The following TTC7A variants were observed in gnomAD, a reference collection of about 807,000 sequenced individuals.
TTC7A encodes the protein tetratricopeptide repeat protein 7A.
TTC7A carries 110 observed loss-of-function variants against 103.7 expected under a neutral mutation model. The observed-to-expected ratio is 1.06, with a 90% CI of 0.91 to 1.24. The LOEUF (loss-of-function observed/expected upper bound fraction) is 1.24, where lower values mean the gene tolerates loss of function less well. Ranked by LOEUF, TTC7A falls within the 50% of genes most tolerant of loss-of-function variation. The pLI, the probability that TTC7A is intolerant of heterozygous loss-of-function variation, is 0.00. For synonymous variants in TTC7A, 521 were observed against 467.9 expected (o/e 1.11, Z -1.47); for missense variants, 1,340 against 1,116.3 (o/e 1.20, Z -2.86).
rs543336109 is a variant in TTC7A at position 47,018,312 on chromosome 2, G to A, written c.1393-3550G>A. On this transcript the variant is annotated intron_variant, in intron 11 of 19. Transcript: ENST00000319190. ...AAAAAAAAAAAGCTGGCCAGGCACAGTGGCTCACACCTGTAATCCCAACGC... is the reference window on the plus strand; with the variant it reads ...AAAAAAAAAAAGCTGGCCAGGCACAATGGCTCACACCTGTAATCCCAACGC... 2.0e-5 allele frequency among the ~76,000 whole-genome samples: 3 copies of A among 149,990 alleles called. No individual in the cohort carries two copies. In the South Asian group the frequency reaches 6.3e-4, roughly 32 times the overall value.
At chr2:46,979,685 A>C (rs945835051) in intron 5 of TTC7A, among the ~76,000 whole-genome samples, 2 of 152,100 alleles carry the variant, frequency 1.3e-5, no homozygotes, top group South Asian at 4.1e-4. Flanking sequence ...AGGAGTGCGT[A>C]TTGGCAGCAA....
intron 5 of TTC7A, among the ~76,000 whole-genome samples, chr2:46,981,186 T>C (rs1325570350): frequency 6.6e-6 from 1 of 152,214 alleles, no homozygotes; most frequent in African/African-American, 2.4e-5. Context: ...TTTAAACATT[T>C]TGATACATCT....
At chr2:46,921,489 C>T (rs1421520757) in intron 2 of TTC7A, among the ~76,000 whole-genome samples, 2 of 152,218 alleles carry the variant, frequency 1.3e-5, no homozygotes, top group Non-Finnish European at 2.9e-5. Flanking sequence ...TCATTCTGTT[C>T]TCTGAAGTTC....
intron 2 of TTC7A, among the ~76,000 whole-genome samples, chr2:46,953,455 A>C (rs1373878793): frequency 6.6e-6 from 1 of 152,108 alleles, no homozygotes. Context: ...ATGCCCGGCC[A>C]TCATTTGTAG....
intron 1 of TTC7A, among the ~76,000 whole-genome samples, chr2:46,948,933 C>T (rs930277422): frequency 1.4e-4 from 21 of 152,168 alleles, no homozygotes; most frequent in African/African-American, 5.1e-4. Context: ...TGGATTGGCA[C>T]TTAACTCTCG....
chr2:47,047,232 G>T, intron 16 of TTC7A: 2 of 1,348,520 alleles, frequency 1.5e-6, no homozygotes, highest in South Asian at 1.3e-5. Flanking sequence ...GGCCTCAGGG[G>T]ACCCCAGTCT....
rs537611844 is a variant in TTC7A, at chr2:47,007,636, G to A, written c.1287+912G>A. On this transcript the variant is annotated intron_variant, in intron 10 of 19. Coordinates refer to ENST00000319190, the MANE Select transcript of TTC7A (RefSeq NM_020458.4). This position sits in a 1 kb window ranked among gnomAD's most constrained non-coding sequence, Gnocchi z 4.9. Reference sequence around the variant, plus strand: ...AGTGCCTCCTCCACGCATCAAGGGCGTGCCAGCCAGCTCGGGGCCTCGGCA... The same window carrying A: ...AGTGCCTCCTCCACGCATCAAGGGCATGCCAGCCAGCTCGGGGCCTCGGCA... Among the ~76,000 whole-genome samples, 23 of 152,166 alleles carry A rather than the reference G, an allele frequency of 1.5e-4. No individual in the cohort carries two copies. Among genetic ancestry groups the A allele is most frequent in the African/African-American group, 4.8e-4 (20 of 41,450 alleles).
Position 46,950,416 on chromosome 2 carries a change from G to T in TTC7A, c.238G>T (p.Glu80Ter). ...GGCCCTCCTGGAGCAGTGTTTGAAGGAGAACCATGCCAAAATAAAAGACTC... is the reference window on the plus strand; with the variant it reads ...GGCCCTCCTGGAGCAGTGTTTGAAGTAGAACCATGCCAAAATAAAAGACTC... ...AEALLEQCLK[E>*]NHAKIKDSMP... Residue 80 changes from glutamate to a stop codon, truncating the protein, a stop_gained, in exon 2 of 20, where the codon GAG becomes TAG. Transcript: ENST00000319190. LOFTEE classifies it high-confidence loss of function. 1 of 1,614,148 alleles carries T rather than the reference G, an allele frequency of 6.2e-7. No homozygotes were observed. The highest frequency in any genetic ancestry group is 8.5e-7 in the Non-Finnish European group (1 of 1,180,036).
chr2:47,060,844 C>T lies in TTC7A; in HGVS notation c.2228C>T (p.Thr743Ile). 6.2e-7 allele frequency: 1 copy of T among 1,614,100 alleles called. No individual in the cohort carries two copies. Among genetic ancestry groups the T allele is most frequent in the Non-Finnish European group, 8.5e-7 (1 of 1,179,940 alleles). ...CIQEAAGLFP[T>I]SHSVLYMRGR... is the part of the protein sequence containing the mutation. ...CAGGAGGCGGCGGGCCTCTTCCCCACTTCTCACTCAGTACTCTATATGCGG... is the reference window on the plus strand; with the variant it reads ...CAGGAGGCGGCGGGCCTCTTCCCCATTTCTCACTCAGTACTCTATATGCGG... Residue 743 changes from threonine (T) to isoleucine (I), a missense_variant, in exon 19 of 20, where the codon ACT (threonine) becomes ATT (isoleucine). Transcript: ENST00000319190.
At chr2:47,009,242 C>T (rs77881083) in intron 10 of TTC7A, among the ~76,000 whole-genome samples, 19,334 of 152,076 alleles carry the variant, frequency 0.13, 1,274 homozygotes, top group African/African-American at 0.17. Flanking sequence ...TGTGGAGTCT[C>T]CCAGCCTGCA....
intron 15 of TTC7A, among the ~76,000 whole-genome samples, chr2:47,044,043 T>A (rs1682047906): frequency 6.7e-6 from 1 of 150,234 alleles, no homozygotes; most frequent in Non-Finnish European, 1.5e-5. Flanking sequence ...CAGGGAGCTG[T>A]CCCCAGGAAC....
At chr2:46,934,999 T>G (rs1384778125) in intron 2 of TTC7A, among the ~76,000 whole-genome samples, 1 of 151,522 alleles carries the variant, frequency 6.6e-6, no homozygotes, top group African/African-American at 2.4e-5. Flanking sequence ...CAGGGTTTCA[T>G]CATGTTGGCC....
chr2:46,964,522 A>G (rs1259299406), intron 3 of TTC7A, among the ~76,000 whole-genome samples: 1 of 152,144 alleles, frequency 6.6e-6, no homozygotes, highest in African/African-American at 2.4e-5. Context: ...TTCCCCCTCA[A>G]ATCAGGCTCA....
At chr2:46,994,333 T>C in intron 6 of TTC7A, 24 bp from the exon 7 acceptor site, 1 of 1,604,266 alleles carries the variant, frequency 6.2e-7, no homozygotes, top group South Asian at 1.1e-5. Context: ...TGTGCCTGGG[T>C]CCGAGTGCTT....
At chr2:47,047,296 TC>T in intron 16 of TTC7A, 1 of 1,549,878 alleles carries the variant, frequency 6.5e-7, no homozygotes. Flanking sequence ...GCTTCCAGAC[TC>T]CCCAGAGGAA....
intron 2 of TTC7A, among the ~76,000 whole-genome samples, chr2:46,952,059 A>T (rs1359968500): frequency 6.6e-6 from 1 of 152,202 alleles, no homozygotes; most frequent in Non-Finnish European, 1.5e-5. Flanking sequence ...CTTTGGGGCT[A>T]GTAAGGGCAG....
chr2:46,953,481 C>A (rs578108846), intron 2 of TTC7A, among the ~76,000 whole-genome samples: 251 of 152,204 alleles, frequency 1.6e-3, no homozygotes, highest in African/African-American at 5.8e-3. Context: ...TCTATCTCAC[C>A]CGCAAAGATC....
chr2:46,943,601 G>T (rs1670659146), intron 1 of TTC7A, among the ~76,000 whole-genome samples: 1 of 152,214 alleles, frequency 6.6e-6, no homozygotes, highest in African/African-American at 2.4e-5. Flanking sequence ...GCCTCCCAAA[G>T]CCCATGCGTA....
chr2:47,073,151 C>G (rs533956932), intron 19 of TTC7A, among the ~76,000 whole-genome samples: 11 of 152,160 alleles, frequency 7.2e-5, no homozygotes, highest in Non-Finnish European at 1.3e-4. Context: ...TCCCTGGTGG[C>G]AGTGGTGAAG....
Sources: allele counts gnomAD v4.1 joint callset (sites outside exome capture counted in the v4.1 genomes callset), GRCh38; gene constraint gnomAD v4.1.1; non-coding constraint Gnocchi (gnomAD v3.1); transcripts MANE v1.5; gene names NCBI Gene and HGNC (gene_info 2026-07-23, HGNC 2026-07-21).